DTX4: variants seen among roughly 807,000 people sequenced by gnomAD.
DTX4 encodes deltex E3 ubiquitin ligase 4.
DTX4 carries 28 observed loss-of-function variants against 57.6 expected under a neutral mutation model. The observed-to-expected ratio is 0.49, with a 90% CI of 0.36 to 0.67. The LOEUF is 0.67. Ranked by LOEUF, DTX4 falls within the 30% of genes least tolerant of loss-of-function variation. The probability of loss-of-function intolerance (pLI) is 0.00; values close to 1 mark genes in which losing one functional copy is unlikely to be tolerated. For missense variants in DTX4, 715 were observed against 836.8 expected, an observed-to-expected ratio of 0.85 and a Z score of 1.80; for synonymous variants, 316 against 331.0, an observed-to-expected ratio of 0.95 and a Z score of 0.49.
chr11:59,183,113 A>G (rs556164707), intron 2 of DTX4, among the ~76,000 whole-genome samples: 4 of 152,354 alleles, frequency 2.6e-5, no homozygotes, highest in South Asian at 2.1e-4. Context: ...TCAAGGGTAC[A>G]TAGCTAATCA....
intron 2 of DTX4, among the ~76,000 whole-genome samples, chr11:59,186,813 T>G (rs1437732332): frequency 6.6e-6 from 1 of 152,236 alleles, no homozygotes; most frequent in Non-Finnish European, 1.5e-5. Flanking sequence ...ATTCTTCTTT[T>G]CTTGGCCCAG....
chr11:59,188,977 G>C (rs1009910669), intron 3 of DTX4, among the ~76,000 whole-genome samples, 181 bp downstream of exon 3: 1 of 152,266 alleles, frequency 6.6e-6, no homozygotes, highest in African/African-American at 2.4e-5. Flanking sequence ...TAAAAGGAAA[G>C]CATGCAATTG....
At chr11:59,186,244 T>G (rs1862526640) in intron 2 of DTX4, among the ~76,000 whole-genome samples, 1 of 152,148 alleles carries the variant, frequency 6.6e-6, no homozygotes. Flanking sequence ...TCTCCACATC[T>G]TGCCCCTGAG....
At chr11:59,194,017 G>A (rs767034153) in intron 6 of DTX4, among the ~76,000 whole-genome samples, 7 of 152,090 alleles carry the variant, frequency 4.6e-5, no homozygotes, top group Middle Eastern at 3.4e-3. Context: ...AATAGGATTC[G>A]GTGTCCAGGC....
At chr11:59,181,697 T>C (rs753046961) in intron 1 of DTX4, 42 bp from the exon 2 acceptor site, 7 of 1,550,728 alleles carry the variant, frequency 4.5e-6, no homozygotes, top group Non-Finnish European at 6.1e-6. Context: ...CTCAGTGTAA[T>C]TGCATGCTGA....
intron 7 of DTX4, among the ~76,000 whole-genome samples, chr11:59,199,376 T>G (rs1862713177): frequency 6.6e-6 from 1 of 152,220 alleles, no homozygotes; most frequent in Admixed American, 6.5e-5. Flanking sequence ...ACCACTCACT[T>G]AACATTTATA....
At chr11:59,184,260 A>G (rs1862500484) in intron 2 of DTX4, among the ~76,000 whole-genome samples, 1 of 152,094 alleles carries the variant, frequency 6.6e-6, no homozygotes, top group Non-Finnish European at 1.5e-5. Flanking sequence ...CTGGGTAAGA[A>G]CCCGTCCTCC....
intron 8 of DTX4, among the ~76,000 whole-genome samples, chr11:59,201,833 G>T (rs529639108): frequency 6.6e-6 from 1 of 152,202 alleles, no homozygotes; most frequent in Non-Finnish European, 1.5e-5. Context: ...GAATCCTGTT[G>T]CCAAGAGCTG....
chr11:59,194,682 G>T (rs891827141), intron 6 of DTX4, among the ~76,000 whole-genome samples: 1 of 152,222 alleles, frequency 6.6e-6, no homozygotes, highest in African/African-American at 2.4e-5. Context: ...ACAGCAGTCA[G>T]ATGGCAGAGC....
chr11:59,204,759 C>A lies in DTX4; in HGVS notation c.1710C>A (p.Thr570=), dbSNP rs759715737. Reference sequence around the variant, plus strand: ...CCAGCACCACAGGCGAGTCAGACACCGTCATCTGGAATGAGGTCCACCACA... The same window carrying A: ...CCAGCACCACAGGCGAGTCAGACACAGTCATCTGGAATGAGGTCCACCACA... ...GTSSTTGESD[T]VIWNEVHHKT... The change falls in exon 9 of 9, where the codon ACC becomes ACA. Residue 570 remains threonine (T), a synonymous_variant. Coordinates refer to ENST00000227451, the MANE Select transcript of DTX4 (RefSeq NM_015177.2). 2 of 1,613,588 alleles carry A rather than the reference C, an allele frequency of 1.2e-6. No homozygotes were observed. The highest frequency in any genetic ancestry group is 2.7e-5 in the African/African-American group (2 of 74,908).
chr11:59,202,768 T>A (rs895360312), intron 8 of DTX4, among the ~76,000 whole-genome samples: 3 of 152,214 alleles, frequency 2.0e-5, no homozygotes, highest in East Asian at 3.8e-4. Flanking sequence ...AGAGGGATGA[T>A]GAGAGTCCAG....
intron 1 of DTX4, among the ~76,000 whole-genome samples, chr11:59,176,589 A>G (rs1182920652): frequency 1.3e-5 from 2 of 152,220 alleles, no homozygotes; most frequent in African/African-American, 4.8e-5. Context: ...GGATGCTGGT[A>G]AGAGCGGCCT....
chr11:59,204,937 G>A lies in DTX4; in HGVS notation c.*28G>A, dbSNP rs1486143547. 2 of 1,544,326 alleles carry A rather than the reference G, an allele frequency of 1.3e-6. No individual in the cohort carries two copies. Among genetic ancestry groups the A allele is most frequent in the Non-Finnish European group, 1.8e-6 (2 of 1,138,780 alleles). ...CCAGAAAAGCTTTGAGGTGGGAGGG[G>A]CCATGGAGACTGCAGGACAGGAAGT... On this transcript the variant is annotated 3_prime_UTR_variant, in exon 9 of 9. Coordinates refer to ENST00000227451, the MANE Select transcript of DTX4 (RefSeq NM_015177.2).
chr11:59,192,127 G>T lies in DTX4; in HGVS notation c.1251G>T (p.Thr417=). The T allele has an allele frequency of 6.2e-7, 1 of 1,613,684 alleles. No individual in the cohort carries two copies. The highest frequency in any genetic ancestry group is 8.5e-7 in the Non-Finnish European group (1 of 1,179,890). The part of the protein sequence containing the change: ...EDCTICMERL[T]APSGYKGPQP... ...GCACCATCTGTATGGAACGCCTCAC[G>T]GCCCCCTCAGGCTACAAGGGCCCGC... is the stretch of plus-strand genomic sequence containing the variant. The change falls in exon 6 of 9, where the codon ACG becomes ACT. Residue 417 remains threonine, a synonymous_variant. Coordinates refer to ENST00000227451, the MANE Select transcript of DTX4 (RefSeq NM_015177.2).
At chr11:59,182,545 C>T in intron 2 of DTX4, 83 bp downstream of exon 2, 1 of 1,438,808 alleles carries the variant, frequency 7.0e-7, no homozygotes, top group Admixed American at 2.7e-5. Flanking sequence ...GAAGGAGGGG[C>T]TGCCAAGACT....
In DTX4 at chr11:59,182,359, C is replaced by G. The variant is rs199758601; in HGVS notation, c.832C>G (p.Pro278Ala). The change falls in exon 2 of 9, where the codon CCA becomes GCA. Residue 278 changes from proline to alanine, a missense_variant. By Grantham distance (27) the Pro-to-Ala change is conservative (BLOSUM62 -1). Transcript: ENST00000227451. ...AACCATGGGCTCTCCTGCCAGTCCC[C>G]CAGGACCCAACAGCAAGACCGGAAG... is the stretch of plus-strand genomic sequence containing the variant. ...GTTMGSPASP[P>A]GPNSKTGRVA... The G allele has an allele frequency of 2.2e-4, 354 of 1,613,600 alleles. 3 individuals carry two copies. The highest frequency in any genetic ancestry group is 8.4e-5 in the Non-Finnish European group (99 of 1,179,868).
Position 59,207,548 on chromosome 11 carries a change from G to A in DTX4, c.*2639G>A, listed in dbSNP as rs965115009. 1 of 152,714 alleles carries A rather than the reference G, an allele frequency of 6.5e-6. No individual in the cohort carries two copies. The allele number at this position is 152,714 out of a possible 1,614,324, so 9.5% of individuals were successfully genotyped here. On this transcript the variant is annotated 3_prime_UTR_variant, in exon 9 of 9. Transcript: ENST00000227451. ...GGCGGGGAGCATTCCTCTGCCCTTT[G>A]TCTTGTGCCAACCTGGAAAGGTGCA...
intron 4 of DTX4, among the ~76,000 whole-genome samples, chr11:59,190,112 G>A (rs564959029): frequency 1.7e-4 from 26 of 152,308 alleles, no homozygotes; most frequent in Non-Finnish European, 7.3e-5. Context: ...AGGGCAACTG[G>A]AGGAAAGGGC....
chr11:59,195,376 C>G lies in DTX4; in HGVS notation c.1536+7C>G. ...CATCCCCCCCGGCATTCAGGTGAGC[C>G]TTTCTCTCAGGTGAGCCTTTCTGTC... On this transcript the variant is annotated splice_region_variant and intron_variant, in intron 7 of 8. Transcript: ENST00000227451. The G allele has an allele frequency of 6.3e-7, 1 of 1,597,242 alleles. No individual in the cohort carries two copies. The highest frequency in any genetic ancestry group is 2.3e-5 in the East Asian group (1 of 44,372).
Sources: allele counts gnomAD v4.1 joint callset (sites outside exome capture counted in the v4.1 genomes callset), GRCh38; gene constraint gnomAD v4.1.1; transcripts MANE v1.5; gene names NCBI Gene and HGNC (gene_info 2026-07-23, HGNC 2026-07-21).